The following CPXM2 variants were observed in gnomAD, a reference collection of about 807,000 sequenced individuals.
The protein encoded by CPXM2 is carboxypeptidase X, M14 family member 2, also known as inactive carboxypeptidase-like protein X2.
Under a neutral mutation model 86.1 loss-of-function variants are expected in CPXM2, and 66 were observed. The ratio of observed to expected loss-of-function variants is 0.77; its 90% CI spans 0.63 to 0.94. CPXM2 has a LOEUF of 0.94. CPXM2 is among the 40% of genes least tolerant of loss of function. The probability of loss-of-function intolerance (pLI) is 0.00; values close to 1 mark genes in which losing one functional copy is unlikely to be tolerated. For synonymous variants in CPXM2, 388 were observed against 400.2 expected (o/e 0.97, Z 0.36); for missense variants, 948 against 1,026.3 (o/e 0.92, Z 1.04).
At chr10:123,768,747 A>G in intron 8 of CPXM2, 25 bp from the exon 9 acceptor site, 3 of 1,600,316 alleles carry the variant, frequency 1.9e-6, no homozygotes, top group Admixed American at 3.3e-5. Flanking sequence ...AGAGAGAAGC[A>G]CAGGTTCACG....
At chr10:123,864,684 T>G (rs1848939232) in intron 2 of CPXM2, among the ~76,000 whole-genome samples, 1 of 152,152 alleles carries the variant, frequency 6.6e-6, no homozygotes, top group South Asian at 2.1e-4. Context: ...GATGGACAGA[T>G]AGCCCACCAG....
At chr10:123,794,733 C>CTG (rs1564772706) in intron 6 of CPXM2, among the ~76,000 whole-genome samples, 11 of 116,098 alleles carry the variant, frequency 9.5e-5, no homozygotes, top group Non-Finnish European at 1.8e-4. Flanking sequence ...TTATTTAAGA[C>CTG]CGTGTGTGTG....
chr10:123,830,490 A>G (rs1033033682), intron 4 of CPXM2, among the ~76,000 whole-genome samples: 1 of 152,322 alleles, frequency 6.6e-6, no homozygotes, highest in East Asian at 1.9e-4. Flanking sequence ...TGTGCAAGGC[A>G]CTGGCTGTTG....
At chr10:123,866,764 G>A (rs1564805260) in intron 2 of CPXM2, among the ~76,000 whole-genome samples, 1 of 152,156 alleles carries the variant, frequency 6.6e-6, no homozygotes, top group Non-Finnish European at 1.5e-5. Context: ...ATCTCCTCAA[G>A]CTTGTCACCA....
rs28627466 is a variant in CPXM2, at chr10:123,772,389, T to C, written c.979-1350A>G. Among the ~76,000 whole-genome samples, 263 of 152,170 alleles carry C rather than the reference T, an allele frequency of 1.7e-3. 1 individual carries two copies. Among genetic ancestry groups the C allele is most frequent in the African/African-American group, 5.6e-3 (231 of 41,510 alleles). ...GTGGTTATCACCTCCCTGGTTGTGA[T>C]CATCACCTGCCTTGTTCTGGTTATC... On this transcript the variant is annotated intron_variant, in intron 7 of 13. Transcript: ENST00000241305.
At chr10:123,878,231 G>A (rs930105718) in intron 2 of CPXM2, among the ~76,000 whole-genome samples, 17 of 151,552 alleles carry the variant, frequency 1.1e-4, no homozygotes, top group Admixed American at 4.6e-4. Flanking sequence ...ACCATCTGTC[G>A]GTTGTCAGGA....
chr10:123,809,482 T>C (rs2134089250), intron 4 of CPXM2, among the ~76,000 whole-genome samples: 1 of 152,218 alleles, frequency 6.6e-6, no homozygotes, highest in East Asian at 1.9e-4. Flanking sequence ...AAGGCAGTAA[T>C]TTGTGTTTGT....
intron 2 of CPXM2, among the ~76,000 whole-genome samples, chr10:123,935,056 C>A (rs1945702449): frequency 6.6e-6 from 1 of 152,166 alleles, no homozygotes; most frequent in South Asian, 2.1e-4. Flanking sequence ...CGTTGATTAG[C>A]AAGTGACTTA....
In CPXM2 at chr10:123,855,736, A is replaced by G. The variant is rs548810694; in HGVS notation, c.513+6878T>C. Among the ~76,000 whole-genome samples the G allele has an allele frequency of 4.0e-3, 604 of 152,292 alleles. 3 individuals are homozygous for G. Among genetic ancestry groups the G allele is most frequent in the Non-Finnish European group, 6.4e-3 (435 of 68,012 alleles). ...GGCAGCAGCCGCCTCCAAATATCCC[A>G]CCTCATTTTAGGTAAAAAGTGGATG... is the stretch of plus-strand genomic sequence containing the variant. On this transcript the variant is annotated intron_variant, in intron 3 of 13. Coordinates refer to ENST00000241305, the MANE Select transcript of CPXM2 (RefSeq NM_198148.3).
At chr10:123,908,946 T>TA (rs572855077) in intron 2 of CPXM2, among the ~76,000 whole-genome samples, 29 of 151,428 alleles carry the variant, frequency 1.9e-4, no homozygotes, top group East Asian at 1.2e-3. Flanking sequence ...TATCTTCAAT[T>TA]AAAAAAAAAG....
At chr10:123,908,150 G>A (rs2134267696) in intron 2 of CPXM2, among the ~76,000 whole-genome samples, 1 of 152,012 alleles carries the variant, frequency 6.6e-6, no homozygotes, top group Middle Eastern at 3.4e-3. Context: ...AGGGACTGTG[G>A]AGAAGGGAAG....
intron 4 of CPXM2, among the ~76,000 whole-genome samples, chr10:123,804,571 T>G (rs1046573180): frequency 6.6e-6 from 1 of 152,182 alleles, no homozygotes; most frequent in South Asian, 2.1e-4. Context: ...ACCTTGTTAA[T>G]TTTTTAATTA....
chr10:123,922,390 C>G (rs1228643397), intron 2 of CPXM2, among the ~76,000 whole-genome samples: 1 of 152,098 alleles, frequency 6.6e-6, no homozygotes, highest in Non-Finnish European at 1.5e-5. Context: ...TTTTTTAATT[C>G]AAAAAGGGTA....
At chr10:123,803,976 T>A (rs1847523055) in intron 4 of CPXM2, among the ~76,000 whole-genome samples, 1 of 152,200 alleles carries the variant, frequency 6.6e-6, no homozygotes, top group African/African-American at 2.4e-5. Flanking sequence ...TACATGGTTT[T>A]CTATATGGGC....
intron 2 of CPXM2, among the ~76,000 whole-genome samples, chr10:123,874,373 G>C (rs878952447): frequency 7.0e-6 from 1 of 143,518 alleles, no homozygotes; most frequent in African/African-American, 2.5e-5. Context: ...ACCACCCCCC[G>C]CCCCAACCAC....
At chr10:123,907,810 G>A (rs1945456217) in intron 2 of CPXM2, among the ~76,000 whole-genome samples, 1 of 152,056 alleles carries the variant, frequency 6.6e-6, no homozygotes, top group Admixed American at 6.6e-5. Flanking sequence ...TGCCTTCATG[G>A]AGCTTATTTT....
At chr10:123,862,293 G>C (rs529604792) in intron 3 of CPXM2, among the ~76,000 whole-genome samples, 15 of 152,368 alleles carry the variant, frequency 9.8e-5, no homozygotes, top group African/African-American at 3.1e-4. Flanking sequence ...GCCCCGCCAT[G>C]CCCCAGGCAT....
At chr10:123,767,923 G>A (rs2134000841) in intron 9 of CPXM2, among the ~76,000 whole-genome samples, 1 of 152,288 alleles carries the variant, frequency 6.6e-6, no homozygotes, top group Admixed American at 6.5e-5. Flanking sequence ...AACATAAAGT[G>A]TTACTATTGG....
At chr10:123,752,395 G>C (rs1164512137) in intron 13 of CPXM2, 2 of 984,626 alleles carry the variant, frequency 2.0e-6, no homozygotes, top group African/African-American at 3.5e-5. Flanking sequence ...AAAGAAATCA[G>C]TAACTAGATG....
Sources: allele counts gnomAD v4.1 joint callset (sites outside exome capture counted in the v4.1 genomes callset), GRCh38; gene constraint gnomAD v4.1.1; transcripts MANE v1.5; gene names NCBI Gene and HGNC (gene_info 2026-07-23, HGNC 2026-07-21).